Variants in DENND1A observed in about 807,000 individuals in gnomAD.
DENND1A encodes DENN domain containing 1A, also known as DENN domain-containing protein 1A.
Under a neutral mutation model 113.7 loss-of-function variants are expected in DENND1A, and 51 were observed. The ratio of observed to expected loss-of-function variants is 0.45; its 90% CI spans 0.36 to 0.57. DENND1A has a LOEUF of 0.57. DENND1A is among the 20% of genes least tolerant of loss of function. The probability of loss-of-function intolerance (pLI) is 0.00; values close to 1 mark genes in which losing one functional copy is unlikely to be tolerated. For synonymous variants in DENND1A, 565 were observed against 570.8 expected, an observed-to-expected ratio of 0.99 and a Z score of 0.14; for missense variants, 1,258 against 1,395.9, an observed-to-expected ratio of 0.90 and a Z score of 1.57.
At chr9:123,528,504 C>G (rs1234771797) in intron 13 of DENND1A, among the ~76,000 whole-genome samples, 1 of 152,194 alleles carries the variant, frequency 6.6e-6, no homozygotes. Flanking sequence ...ATTCCCTTTC[C>G]CTCCAGCTGC....
intron 4 of DENND1A, among the ~76,000 whole-genome samples, chr9:123,763,836 T>C (rs888427129): frequency 6.6e-6 from 1 of 152,126 alleles, no homozygotes; most frequent in African/African-American, 2.4e-5. Context: ...ATGACCTCGA[T>C]AAAAACAGCT....
chr9:123,926,443 T>C (rs1282620209), intron 1 of DENND1A, among the ~76,000 whole-genome samples: 2 of 151,894 alleles, frequency 1.3e-5, no homozygotes, highest in Non-Finnish European at 2.9e-5. Context: ...GTCTCATGCA[T>C]GTAATCCCAA....
At chr9:123,693,079 A>G (rs1456661985) in intron 5 of DENND1A, among the ~76,000 whole-genome samples, 3 of 152,176 alleles carry the variant, frequency 2.0e-5, no homozygotes, top group Admixed American at 6.5e-5. Flanking sequence ...ATTTTAATTT[A>G]TATCAAATAA....
chr9:123,724,642 C>G (rs2067572528), intron 5 of DENND1A, among the ~76,000 whole-genome samples: 1 of 152,122 alleles, frequency 6.6e-6, no homozygotes, highest in Non-Finnish European at 1.5e-5. Context: ...AAATGTCTGG[C>G]CAGGCCTCCC....
chr9:123,708,156 A>C (rs1191450654), intron 5 of DENND1A, among the ~76,000 whole-genome samples: 1 of 152,182 alleles, frequency 6.6e-6, no homozygotes, highest in Non-Finnish European at 1.5e-5. Context: ...AAAAAAGAGA[A>C]GAAAAAATTG....
At chr9:123,409,798 A>G (rs2044159932) in intron 20 of DENND1A, among the ~76,000 whole-genome samples, 2 of 152,190 alleles carry the variant, frequency 1.3e-5, no homozygotes, top group African/African-American at 4.8e-5. Context: ...CCTGTTAAGA[A>G]TAAGAACCGT....
At chr9:123,533,656 C>T (rs1036395225) in intron 13 of DENND1A, among the ~76,000 whole-genome samples, 2 of 152,202 alleles carry the variant, frequency 1.3e-5, no homozygotes, top group Non-Finnish European at 2.9e-5. Flanking sequence ...GTGCTGGATG[C>T]TGCCACTACA....
intron 2 of DENND1A, among the ~76,000 whole-genome samples, chr9:123,870,224 T>C (rs1846350221): frequency 6.6e-6 from 1 of 152,008 alleles, no homozygotes; most frequent in South Asian, 2.1e-4. Flanking sequence ...CACATTAACC[T>C]TATCTGACTG....
intron 9 of DENND1A, among the ~76,000 whole-genome samples, chr9:123,644,446 A>AAT (rs758634955): frequency 0.013 from 1,881 of 149,936 alleles, 20 homozygotes; most frequent in South Asian, 0.03. Context: ...CACCCAAACC[A>AAT]ACAGCACCTA....
intron 13 of DENND1A, among the ~76,000 whole-genome samples, chr9:123,530,842 G>T (rs1284356256): frequency 6.6e-6 from 1 of 152,032 alleles, no homozygotes; most frequent in Non-Finnish European, 1.5e-5. Flanking sequence ...CACATTAAGA[G>T]ATTAACAATA....
At chr9:123,766,031 C>G (rs937109129) in intron 4 of DENND1A, among the ~76,000 whole-genome samples, 6 of 152,146 alleles carry the variant, frequency 3.9e-5, no homozygotes, top group Admixed American at 6.5e-5. Context: ...GGTCTTGTTT[C>G]CACACATTTT....
chr9:123,533,645 A>G (rs1343203062), intron 13 of DENND1A, among the ~76,000 whole-genome samples: 2 of 152,158 alleles, frequency 1.3e-5, no homozygotes, highest in East Asian at 1.9e-4. Flanking sequence ...GTAGGTGGAG[A>G]GTGCTGGATG....
intron 19 of DENND1A, among the ~76,000 whole-genome samples, chr9:123,412,472 A>C (rs1166648060): frequency 6.6e-6 from 1 of 152,160 alleles, no homozygotes; most frequent in African/African-American, 2.4e-5. Context: ...GGGACCTCTT[A>C]CAGGTCTATC....
At chr9:123,803,749 C>A (rs2132282982) in intron 2 of DENND1A, among the ~76,000 whole-genome samples, 1 of 152,260 alleles carries the variant, frequency 6.6e-6, no homozygotes, top group South Asian at 2.1e-4. Flanking sequence ...AAGGTCAAGC[C>A]CACTTTCCAA....
chr9:123,884,977 C>G (rs117958717), intron 1 of DENND1A, among the ~76,000 whole-genome samples: 4,230 of 151,656 alleles, frequency 0.028, 97 homozygotes, highest in South Asian at 0.06. Context: ...CCATCTCCCA[C>G]CTGACCTGCG....
intron 12 of DENND1A, among the ~76,000 whole-genome samples, chr9:123,577,106 T>C (rs2058675927): frequency 6.6e-6 from 1 of 152,112 alleles, no homozygotes; most frequent in South Asian, 2.1e-4. Flanking sequence ...GGACTCCAGT[T>C]GCAAGTATGT....
At chr9:123,553,717 G>C (rs959084138) in intron 13 of DENND1A, among the ~76,000 whole-genome samples, 1 of 152,126 alleles carries the variant, frequency 6.6e-6, no homozygotes, top group Non-Finnish European at 1.5e-5. Context: ...ACCTTGCGAC[G>C]ATAGGATTAT....
intron 7 of DENND1A, among the ~76,000 whole-genome samples, chr9:123,668,215 C>G (rs2063584848): frequency 6.6e-6 from 1 of 152,142 alleles, no homozygotes; most frequent in Non-Finnish European, 1.5e-5. Context: ...AAGTTCAAAT[C>G]TGGACCCCCA....
rs368539387 is a variant in DENND1A at position 123,440,488 on chromosome 9, T to A, written c.1360A>T (p.Ile454Phe). ...GTGGGGGCGCAGCCATTCTCGGCAA[T>A]GTCCTGTAGGGAGAAGGATAGTCAG... ...EVKNRLKQKD[I>F]AENGCAPTPE... The change falls in exon 19 of 24, where the codon ATT becomes TTT. Residue 454 changes from isoleucine to phenylalanine, a missense_variant. Physicochemically the swap from Ile to Phe is conservative, Grantham distance 21. Transcript: ENST00000394215. 5.7e-6 allele frequency: 9 copies of A among 1,568,902 alleles called. No homozygotes were observed. Among genetic ancestry groups the A allele is most frequent in the Non-Finnish European group, 7.7e-6 (9 of 1,165,950 alleles).
Sources: allele counts gnomAD v4.1 joint callset (sites outside exome capture counted in the v4.1 genomes callset), GRCh38; gene constraint gnomAD v4.1.1; transcripts MANE v1.5; gene names NCBI Gene and HGNC (gene_info 2026-07-23, HGNC 2026-07-21).